COL28A1: variants seen among roughly 807,000 people sequenced by gnomAD.
COL28A1 encodes the protein collagen alpha-1(XXVIII) chain.
COL28A1 carries 161 observed loss-of-function variants against 150.2 expected under a neutral mutation model. The ratio of observed to expected loss-of-function variants is 1.07; its 90% CI spans 0.94 to 1.22. The LOEUF is 1.22. Ranked by LOEUF, COL28A1 falls within the 50% of genes most tolerant of loss-of-function variation. The pLI is 0.00. For missense variants in COL28A1, 1,617 were observed against 1,388.3 expected (o/e 1.16, Z -2.62); for synonymous variants, 552 against 469.7 (o/e 1.18, Z -2.26).
At chr7:7,526,177 G>A (rs1238551679) in intron 3 of COL28A1, among the ~76,000 whole-genome samples, 1 of 152,184 alleles carries the variant, frequency 6.6e-6, no homozygotes, top group African/African-American at 2.4e-5. Context: ...TCTTGCTTTT[G>A]CCTGTTATCC....
intron 13 of COL28A1, among the ~76,000 whole-genome samples, chr7:7,485,539 C>G (rs1779581066): frequency 6.6e-6 from 1 of 152,062 alleles, no homozygotes. Context: ...CTTCATCAAG[C>G]CCACGATCCT....
chr7:7,339,788 G>A, the COL28A1 span, among the ~76,000 whole-genome samples: 1 of 152,200 alleles, frequency 6.6e-6, no homozygotes, highest in East Asian at 1.9e-4. Flanking sequence ...AGTACATACT[G>A]GACGAGAACA....
intron 11 of COL28A1, among the ~76,000 whole-genome samples, chr7:7,502,668 CT>C: frequency 6.9e-6 from 1 of 144,046 alleles, no homozygotes; most frequent in Admixed American, 7.0e-5. Flanking sequence ...TTACCGTTTT[CT>C]TTCTCCCAAG....
chr7:7,532,895 T>C lies in COL28A1; in HGVS notation c.-20A>G, dbSNP rs1292357684. 3 of 1,587,930 alleles carry C rather than the reference T, an allele frequency of 1.9e-6. No individual in the cohort carries two copies. Among genetic ancestry groups the C allele is most frequent in the Non-Finnish European group, 2.6e-6 (3 of 1,172,086 alleles). Reference sequence around the variant, plus strand: ...CCACATTATGGTAGATGGTGAAAAATCATCTGTCTTGTAGCACCTTTAATA... The same window carrying C: ...CCACATTATGGTAGATGGTGAAAAACCATCTGTCTTGTAGCACCTTTAATA... On this transcript the variant is annotated 5_prime_UTR_variant, in exon 2 of 35. Coordinates refer to ENST00000399429, the MANE Select transcript of COL28A1 (RefSeq NM_001037763.3).
At chr7:7,482,737 TAGAA>T (rs1779413065) in intron 13 of COL28A1, among the ~76,000 whole-genome samples, 1 of 152,044 alleles carries the variant, frequency 6.6e-6, no homozygotes, top group Admixed American at 6.6e-5. Flanking sequence ...TACAAACAGT[TAGAA>T]AGACAGGTAA....
chr7:7,524,140 CACTT>C, intron 4 of COL28A1, 85 bp downstream of exon 4: 1 of 818,914 alleles, frequency 1.2e-6, no homozygotes, highest in South Asian at 1.5e-5. Context: ...TATTTAGTCA[CACTT>C]AATCTTCTAA....
the COL28A1 span, among the ~76,000 whole-genome samples, chr7:7,343,797 C>T: frequency 6.6e-6 from 1 of 151,838 alleles, no homozygotes; most frequent in Non-Finnish European, 1.5e-5. Flanking sequence ...AGTTTGAGGC[C>T]AGGAGTTTGA....
intron 11 of COL28A1, among the ~76,000 whole-genome samples, chr7:7,491,873 G>C (rs150778593): frequency 6.6e-6 from 1 of 152,100 alleles, no homozygotes; most frequent in African/African-American, 2.4e-5. Context: ...TCTCATTGTA[G>C]AAAATTGTCA....
At chr7:7,361,515 C>CT (rs1780652728) in intron 33 of COL28A1, among the ~76,000 whole-genome samples, 1 of 152,188 alleles carries the variant, frequency 6.6e-6, no homozygotes, top group Non-Finnish European at 1.5e-5. Flanking sequence ...TGTTTCCTGA[C>CT]TTTTTAATGA....
chr7:7,477,544 G>A (rs1475755091), intron 13 of COL28A1, among the ~76,000 whole-genome samples: 1 of 152,200 alleles, frequency 6.6e-6, no homozygotes, highest in Non-Finnish European at 1.5e-5. Flanking sequence ...CCCTCGCGGT[G>A]AGTGTCACAG....
At chr7:7,476,849 A>T (rs1049161955) in intron 14 of COL28A1, among the ~76,000 whole-genome samples, 1 of 152,200 alleles carries the variant, frequency 6.6e-6, no homozygotes, top group African/African-American at 2.4e-5. Context: ...GCTTTAAATG[A>T]CTACAAACTA....
At chr7:7,539,726 T>C (rs1782753080), upstream of COL28A1, among the ~76,000 whole-genome samples, 1 of 152,168 alleles carries the variant, frequency 6.6e-6, no homozygotes, top group Non-Finnish European at 1.5e-5. Context: ...TCTGATTGAG[T>C]TGATCCTTCC....
intron 11 of COL28A1, among the ~76,000 whole-genome samples, chr7:7,499,212 T>A (rs1396193358): frequency 1.3e-5 from 2 of 152,196 alleles, no homozygotes; most frequent in African/African-American, 4.8e-5. Context: ...GACTTTGACG[T>A]CTTTGAAGGA....
intron 27 of COL28A1, among the ~76,000 whole-genome samples, chr7:7,417,052 A>T (rs1784120320): frequency 6.6e-6 from 1 of 152,132 alleles, no homozygotes; most frequent in South Asian, 2.1e-4. Context: ...CGGGGGCAGC[A>T]GTGGAATCGG....
intron 15 of COL28A1, among the ~76,000 whole-genome samples, chr7:7,459,078 G>T (rs1036725620): frequency 3.9e-4 from 60 of 152,296 alleles, no homozygotes; most frequent in African/African-American, 1.1e-3. Flanking sequence ...AAAGAAGATG[G>T]TATTGAGGGA....
chr7:7,483,925 G>C (rs1779484041), intron 13 of COL28A1, among the ~76,000 whole-genome samples: 1 of 151,828 alleles, frequency 6.6e-6, no homozygotes, highest in African/African-American at 2.4e-5. Flanking sequence ...AATGAGTTAA[G>C]AACATTTTAT....
chr7:7,455,076 A>G (rs1331770910), intron 16 of COL28A1, among the ~76,000 whole-genome samples: 1 of 152,194 alleles, frequency 6.6e-6, no homozygotes, highest in East Asian at 1.9e-4. Flanking sequence ...AATCTCAACA[A>G]TGACACCGGA....
intron 33 of COL28A1, among the ~76,000 whole-genome samples, chr7:7,367,368 T>C (rs545715534): frequency 6.6e-6 from 1 of 152,334 alleles, no homozygotes; most frequent in African/African-American, 2.4e-5. Context: ...AAATGCACGT[T>C]TGTTCAAACT....
At chr7:7,426,356 C>A (rs757176316) in intron 25 of COL28A1, among the ~76,000 whole-genome samples, 34 of 152,172 alleles carry the variant, frequency 2.2e-4, no homozygotes, top group African/African-American at 7.0e-4. Context: ...CCACCTATGT[C>A]ATGTGTTAGG....
Sources: allele counts gnomAD v4.1 joint callset (sites outside exome capture counted in the v4.1 genomes callset), GRCh38; gene constraint gnomAD v4.1.1; transcripts MANE v1.5; gene names NCBI Gene and HGNC (gene_info 2026-07-23, HGNC 2026-07-21).